The following MMP15 variants were observed in gnomAD, a reference collection of about 807,000 sequenced individuals.
MMP15 encodes matrix metalloproteinase-15.
A neutral mutation model predicts 65.0 loss-of-function variants in MMP15; 36 were observed. That is an observed-to-expected ratio of 0.55 (90% CI 0.42 to 0.73). MMP15 has a LOEUF of 0.73. MMP15 is among the 30% of genes least tolerant of loss of function. The pLI is 0.00. For missense variants in MMP15, 870 were observed against 987.8 expected, an observed-to-expected ratio of 0.88 and a Z score of 1.60; for synonymous variants, 428 against 410.2, an observed-to-expected ratio of 1.04 and a Z score of -0.52.
rs41346044 is a variant in MMP15, at chr16:58,043,173, A to G, written c.1304-37A>G. 2.1e-3 allele frequency: 3,169 copies of G among 1,529,836 alleles called. 12 individuals carry two copies. Among genetic ancestry groups the G allele is most frequent in the South Asian group, 3.6e-3 (290 of 80,256 alleles). The allele number at this position is 1,529,836 out of a possible 1,614,324, so 94.8% of individuals were successfully genotyped here. ...TTTCCCGCACACACCCCTCAGCCCC[A>G]GGCCTGACCTCACTGTGCCTGCCAC... is the stretch of plus-strand genomic sequence containing the variant. On this transcript the variant is annotated intron_variant, in intron 7 of 9. Coordinates refer to ENST00000219271, the MANE Select transcript of MMP15 (RefSeq NM_002428.4).
At chr16:58,043,649 G>T (rs1959499862) in intron 9 of MMP15, 22 bp downstream of exon 9, 1 of 1,569,552 alleles carries the variant, frequency 6.4e-7, no homozygotes, top group Non-Finnish European at 8.7e-7. Context: ...GCCCCTCCCA[G>T]TTTGCCCAGC....
At chr16:58,043,669 C>T (rs1406684098) in intron 9 of MMP15, 42 bp downstream of exon 9, 1 of 1,433,410 alleles carries the variant, frequency 7.0e-7, no homozygotes, top group South Asian at 1.2e-5. Flanking sequence ...CACCTAATAT[C>T]CCCTGCTACA....
At chr16:58,044,270 ACT>A (rs992661657) in intron 9 of MMP15, among the ~76,000 whole-genome samples, 17 of 151,966 alleles carry the variant, frequency 1.1e-4, no homozygotes, top group African/African-American at 3.1e-4. Context: ...ACATAGTGAG[ACT>A]CTATCTCTAC....
chr16:58,028,253 A>C (rs1963851995), intron 1 of MMP15, among the ~76,000 whole-genome samples: 1 of 152,202 alleles, frequency 6.6e-6, no homozygotes, highest in African/African-American at 2.4e-5. Flanking sequence ...CCAGGGAAGA[A>C]GCCATGGTTG....
At chr16:58,039,431 CAAAA>C (rs979748538) in intron 3 of MMP15, among the ~76,000 whole-genome samples, 1 of 152,164 alleles carries the variant, frequency 6.6e-6, no homozygotes, top group Non-Finnish European at 1.5e-5. Flanking sequence ...GACTCCATCT[CAAAA>C]AGAAAGAAGG....
chr16:58,031,532 A>G (rs972505707), intron 1 of MMP15, among the ~76,000 whole-genome samples: 1 of 152,152 alleles, frequency 6.6e-6, no homozygotes, highest in African/African-American at 2.4e-5. Context: ...CTCCTGGCTA[A>G]CAGAGGCCTC....
At chr16:58,027,955 G>T (rs1211454875) in intron 1 of MMP15, among the ~76,000 whole-genome samples, 5 of 152,154 alleles carry the variant, frequency 3.3e-5, no homozygotes, top group Non-Finnish European at 5.9e-5. Context: ...ACTGGGCGGA[G>T]AGTGCCATTT....
At chr16:58,036,803 G>A (rs534173946) in intron 1 of MMP15, among the ~76,000 whole-genome samples, 2 of 152,348 alleles carry the variant, frequency 1.3e-5, no homozygotes, top group African/African-American at 4.8e-5. Context: ...ATCCTTTTGG[G>A]TCCTTGGCCT....
intron 1 of MMP15, among the ~76,000 whole-genome samples, chr16:58,033,303 C>T (rs1004974293): frequency 2.0e-5 from 3 of 152,244 alleles, no homozygotes; most frequent in African/African-American, 7.2e-5. Flanking sequence ...ACTTCAGAAG[C>T]AGCCTGGTCC....
chr16:58,043,281 C>G lies in MMP15; in HGVS notation c.1375C>G (p.Leu459Val), dbSNP rs1318004587. The G allele has an allele frequency of 6.2e-7, 1 of 1,602,658 alleles. No homozygotes were observed. Among genetic ancestry groups the G allele is most frequent in the Non-Finnish European group, 8.5e-7 (1 of 1,174,086 alleles). Residue 459 changes from leucine to valine, a missense_variant, in exon 8 of 10, where the codon CTG becomes GTG. Coordinates refer to ENST00000219271, the MANE Select transcript of MMP15 (RefSeq NM_002428.4). Reference protein sequence around the residue: ...GYPQPLTSYGLGIPYDRIDTA... With the variant: ...GYPQPLTSYGVGIPYDRIDTA... ...CCCACAGCCGCTGACCAGCTATGGC[C>G]TGGGCATCCCCTATGACCGCATTGA...
At position 58,031,853 on chromosome 16, in the gene MMP15, C is replaced by CTTTTTT. The variant is rs749779284; in HGVS notation, c.162+5367_162+5372dup. Reference sequence around the variant, plus strand: ...CAAGGAGGACCTGGCTCGATGCCGCCTTTTTTTTTTTTTTTTTTTTTTTTT... The same window carrying CTTTTTT: ...CAAGGAGGACCTGGCTCGATGCCGCCTTTTTTTTTTTTTTTTTTTTTTTTTTTTTTT... On this transcript the variant is annotated intron_variant, in intron 1 of 9. Transcript: ENST00000219271. 1.7e-3 allele frequency among the ~76,000 whole-genome samples: 101 copies of CTTTTTT among 57,746 alleles called. 18 individuals carry two copies. Among genetic ancestry groups the CTTTTTT allele is most frequent in the African/African-American group, 7.7e-3 (93 of 12,110 alleles). The allele number at this position is 57,746 out of a possible 152,430, so 37.9% of individuals were successfully genotyped here. A position where few individuals can be genotyped will look rare whatever the true frequency, so the allele number is the denominator to read the frequency against.
Position 58,045,451 on chromosome 16 carries a change from C to T in MMP15, c.*5C>T, listed in dbSNP as rs768624058. 65 of 1,511,914 alleles carry T rather than the reference C, an allele frequency of 4.3e-5. No homozygotes were observed. Among genetic ancestry groups the T allele is most frequent in the South Asian group, 2.1e-4 (16 of 77,878 alleles). The allele number at this position is 1,511,914 out of a possible 1,614,324, so 93.7% of individuals were successfully genotyped here. A position where few individuals can be genotyped will look rare whatever the true frequency, so the allele number is the denominator to read the frequency against. On this transcript the variant is annotated 3_prime_UTR_variant, in exon 10 of 10. Coordinates refer to ENST00000219271, the MANE Select transcript of MMP15 (RefSeq NM_002428.4). Reference sequence around the variant, plus strand: ...TCGCTGCAGGAGTGGGTCTGACCACCCAGCGCTCCTGCTAACGGTGCTCAG... The same window carrying T: ...TCGCTGCAGGAGTGGGTCTGACCACTCAGCGCTCCTGCTAACGGTGCTCAG...
rs201800162 is a variant in MMP15 at position 58,043,282 on chromosome 16, T to C, written c.1376T>C (p.Leu459Pro). The C allele has an allele frequency of 1.1e-4, 169 of 1,602,754 alleles. No individual in the cohort carries two copies. The highest frequency in any genetic ancestry group is 1.4e-4 in the Non-Finnish European group (166 of 1,174,014). ...CCACAGCCGCTGACCAGCTATGGCC[T>C]GGGCATCCCCTATGACCGCATTGAC... ...GYPQPLTSYG[L>P]GIPYDRIDTA... The change falls in exon 8 of 10, where the codon CTG (leucine) becomes CCG (proline). Residue 459 changes from leucine to proline, a missense_variant. Physicochemically the swap from Leu to Pro is moderately conservative, Grantham distance 98. Transcript: ENST00000219271.
Position 58,045,709 on chromosome 16 carries a change from A to C in MMP15, c.*263A>C. On this transcript the variant is annotated 3_prime_UTR_variant, in exon 10 of 10. Transcript: ENST00000219271. ...GCTCCAGACAGGGAATTAGGCCCCCATCATCCTCTGGCTTGGCCACAGCCA... is the reference window on the plus strand; with the variant it reads ...GCTCCAGACAGGGAATTAGGCCCCCCTCATCCTCTGGCTTGGCCACAGCCA... 1 of 475,662 alleles carries C rather than the reference A, an allele frequency of 2.1e-6. No individual in the cohort carries two copies. The highest frequency in any genetic ancestry group is 3.7e-6 in the Non-Finnish European group (1 of 270,430). The allele number at this position is 475,662 out of a possible 1,614,324, so 29.5% of individuals were successfully genotyped here. A position where few individuals can be genotyped will look rare whatever the true frequency, so the allele number is the denominator to read the frequency against.
At chr16:58,041,934 C>G (rs1025916744) in intron 6 of MMP15, 64 bp downstream of exon 6, 41 of 1,505,402 alleles carry the variant, frequency 2.7e-5, no homozygotes, top group Non-Finnish European at 3.6e-5. Flanking sequence ...GCCCCCTGTC[C>G]CACCCTCACT....
At chr16:58,037,442 C>T (rs770230895) in intron 1 of MMP15, 30 bp from the exon 2 acceptor site, 2 of 1,609,338 alleles carry the variant, frequency 1.2e-6, no homozygotes, top group Non-Finnish European at 1.7e-6. Context: ...AGTGCCAGGA[C>T]CTGCTGACAG....
chr16:58,026,613 G>GC, intron 1 of MMP15, 101 bp downstream of exon 1: 1 of 1,224,140 alleles, frequency 8.2e-7, no homozygotes, highest in Non-Finnish European at 1.0e-6. Flanking sequence ...GCGGAGACGC[G>GC]CCCCCTGTTC....
In MMP15 at chr16:58,045,746, G is replaced by A. The variant is rs994650908; in HGVS notation, c.*300G>A. ...CTTGGCCACAGCCAGGGGAGCAGAGGGGCAGAGGCCCACATTGGAAGAGCA... is the reference window on the plus strand; with the variant it reads ...CTTGGCCACAGCCAGGGGAGCAGAGAGGCAGAGGCCCACATTGGAAGAGCA... On this transcript the variant is annotated 3_prime_UTR_variant, in exon 10 of 10. Transcript: ENST00000219271. 5.0e-6 allele frequency: 2 copies of A among 403,660 alleles called. No homozygotes were observed. Among genetic ancestry groups the A allele is most frequent in the Non-Finnish European group, 8.8e-6 (2 of 226,638 alleles). 25.0% of individuals were successfully genotyped at this position (403,660 alleles called of 1,614,324 possible).
At position 58,025,903 on chromosome 16, in the gene MMP15, C is replaced by G. The variant is rs1226002018; in HGVS notation, c.-448C>G. The G allele has an allele frequency of 6.6e-6, 1 of 152,324 alleles. No individual in the cohort carries two copies. The highest frequency in any genetic ancestry group is 2.4e-5 in the African/African-American group (1 of 41,360). 9.4% of individuals were successfully genotyped at this position (152,324 alleles called of 1,614,324 possible). A position where few individuals can be genotyped will look rare whatever the true frequency, so the allele number is the denominator to read the frequency against. On this transcript the variant is annotated 5_prime_UTR_variant, in exon 1 of 10. Transcript: ENST00000219271. ...GACTGCTTGGGGACCCGGGCCCGGT[C>G]GGGCGCGGCGGCGAGCAGAATCCCC...
Sources: gnomAD v4.1 joint callset for allele counts (sites outside exome capture counted in the v4.1 genomes callset) on GRCh38, gnomAD v4.1.1 for gene constraint, MANE v1.5 for transcripts, NCBI Gene and HGNC (gene_info 2026-07-23, HGNC 2026-07-21) for gene names.